The following LCLAT1 variants were observed in gnomAD, a reference collection of about 807,000 sequenced individuals.
The protein encoded by LCLAT1 is lysocardiolipin acyltransferase 1.
Under a neutral mutation model 30.7 loss-of-function variants are expected in LCLAT1, and 11 were observed. The ratio of observed to expected loss-of-function variants is 0.36; its 90% confidence interval spans 0.23 to 0.59. The LOEUF (loss-of-function observed/expected upper bound fraction) is 0.59. Ranked by LOEUF, LCLAT1 falls within the 20% of genes least tolerant of loss-of-function variation. The pLI, the probability that LCLAT1 is intolerant of heterozygous loss-of-function variation, is 0.77. For synonymous variants in LCLAT1, 155 were observed against 151.3 expected, an observed-to-expected ratio of 1.02 and a Z score of -0.18; for missense variants, 402 against 458.6, an observed-to-expected ratio of 0.88 and a Z score of 1.13.
At chr2:30,562,577 GTCAGGACTCAGAAC>G (rs1045947590) in intron 4 of LCLAT1, among the ~76,000 whole-genome samples, 2 of 152,114 alleles carry the variant, frequency 1.3e-5, no homozygotes, top group African/African-American at 4.8e-5. Flanking sequence ...TCAATAGCAT[GTCAGGACTCAGAAC>G]TCTTGGTTTC....
chr2:30,584,520 G>T (rs1666343941), intron 5 of LCLAT1, among the ~76,000 whole-genome samples: 1 of 152,144 alleles, frequency 6.6e-6, no homozygotes, highest in African/African-American at 2.4e-5. Flanking sequence ...TCACTGCTTT[G>T]TATGGTATAG....
At chr2:30,449,770 G>A (rs538121253) in intron 1 of LCLAT1, among the ~76,000 whole-genome samples, 43 of 152,294 alleles carry the variant, frequency 2.8e-4, no homozygotes, top group African/African-American at 1.0e-3. Flanking sequence ...AAAGTGTTGG[G>A]ATTACAGGTG....
rs1667004649 is a variant in LCLAT1, at chr2:30,597,989, G to A, written c.628+29813G>A. Among the ~76,000 whole-genome samples the A allele has an allele frequency of 2.0e-5, 3 of 152,176 alleles. No individual in the cohort carries two copies. In the South Asian group the frequency reaches 6.2e-4, roughly 32 times the overall value. On this transcript the variant is annotated intron_variant, in intron 5 of 5. Coordinates refer to ENST00000379509, the MANE Select transcript of LCLAT1 (RefSeq NM_001002257.3). Reference sequence around the variant, plus strand: ...ACCAGCCTTGCATCCCAGGGATGAAGCCAACTTGATCATGGTGTATAAGTT... The same window carrying A: ...ACCAGCCTTGCATCCCAGGGATGAAACCAACTTGATCATGGTGTATAAGTT...
chr2:30,627,832 T>C (rs1668586657), intron 5 of LCLAT1, among the ~76,000 whole-genome samples: 2 of 119,058 alleles, frequency 1.7e-5, no homozygotes, highest in African/African-American at 7.1e-5. Context: ...GAAAATAAAA[T>C]AGAAGTTAAC....
chr2:30,591,814 A>C (rs1666703614), intron 5 of LCLAT1, among the ~76,000 whole-genome samples: 2 of 152,202 alleles, frequency 1.3e-5, no homozygotes, highest in Non-Finnish European at 2.9e-5. Context: ...TATCTAGTCC[A>C]GAGCTGAATA....
intron 5 of LCLAT1, among the ~76,000 whole-genome samples, chr2:30,599,897 T>C (rs1667100137): frequency 6.6e-6 from 1 of 152,194 alleles, no homozygotes; most frequent in Non-Finnish European, 1.5e-5. Context: ...TGTCTTTTAA[T>C]TGGGGCATTT....
intron 1 of LCLAT1, among the ~76,000 whole-genome samples, chr2:30,477,473 C>T (rs1347128200): frequency 2.0e-5 from 3 of 152,102 alleles, no homozygotes; most frequent in African/African-American, 7.2e-5. Flanking sequence ...TTTCTGGATA[C>T]TTGTTTGGTG....
intron 3 of LCLAT1, among the ~76,000 whole-genome samples, chr2:30,559,819 G>A (rs1665107290): frequency 6.6e-6 from 1 of 152,174 alleles, no homozygotes; most frequent in African/African-American, 2.4e-5. Context: ...TTTTGCTGTT[G>A]TGAATAGGAA....
chr2:30,624,909 G>A (rs890105187), intron 5 of LCLAT1, among the ~76,000 whole-genome samples: 1 of 152,132 alleles, frequency 6.6e-6, no homozygotes, highest in African/African-American at 2.4e-5. Flanking sequence ...ATTATATCCA[G>A]TACTCTCTCA....
chr2:30,555,447 C>G (rs995930779), intron 3 of LCLAT1, among the ~76,000 whole-genome samples: 4 of 152,058 alleles, frequency 2.6e-5, no homozygotes, highest in African/African-American at 9.7e-5. Context: ...ATGTTTCTGT[C>G]AAGTTTAAGG....
intron 2 of LCLAT1, among the ~76,000 whole-genome samples, chr2:30,528,661 A>G (rs1685847383): frequency 6.6e-6 from 1 of 152,190 alleles, no homozygotes; most frequent in Non-Finnish European, 1.5e-5. Context: ...GCACCATCCT[A>G]TGAGATTTTC....
intron 3 of LCLAT1, among the ~76,000 whole-genome samples, chr2:30,537,116 T>TAATCC (rs1686284517): frequency 1.3e-5 from 2 of 151,472 alleles, no homozygotes; most frequent in South Asian, 4.2e-4. Flanking sequence ...GCGCGGTGGC[T>TAATCC]CACGCCTGTA....
At chr2:30,559,226 A>G (rs898565271) in intron 3 of LCLAT1, among the ~76,000 whole-genome samples, 1 of 152,342 alleles carries the variant, frequency 6.6e-6, no homozygotes, top group African/African-American at 2.4e-5. Flanking sequence ...GCATTTGAGT[A>G]TTTTAGAAAT....
chr2:30,464,662 T>C (rs1296210809), intron 1 of LCLAT1, among the ~76,000 whole-genome samples: 1 of 152,156 alleles, frequency 6.6e-6, no homozygotes, highest in Admixed American at 6.5e-5. Flanking sequence ...AAAACTTCTC[T>C]TGTATTCTTG....
chr2:30,574,490 T>C (rs984162229), intron 5 of LCLAT1, among the ~76,000 whole-genome samples: 3 of 152,194 alleles, frequency 2.0e-5, no homozygotes, highest in Admixed American at 6.5e-5. Context: ...ATGGGAAATA[T>C]AATGAACTTT....
intron 5 of LCLAT1, among the ~76,000 whole-genome samples, chr2:30,630,247 T>A (rs1668707097): frequency 6.6e-6 from 1 of 152,202 alleles, no homozygotes; most frequent in African/African-American, 2.4e-5. Flanking sequence ...CTTTTTTGCC[T>A]CATTTAATCT....
At chr2:30,545,075 C>G (rs1664336531) in intron 3 of LCLAT1, among the ~76,000 whole-genome samples, 1 of 151,976 alleles carries the variant, frequency 6.6e-6, no homozygotes, top group South Asian at 2.1e-4. Flanking sequence ...CTAATGGGAA[C>G]AGATTTTGGA....
intron 4 of LCLAT1, among the ~76,000 whole-genome samples, chr2:30,564,619 A>AT (rs57342697): frequency 1.3e-5 from 2 of 152,020 alleles, no homozygotes; most frequent in Non-Finnish European, 2.9e-5. Flanking sequence ...AGTTTTAAAC[A>AT]TTTTTTTAAC....
At chr2:30,601,959 T>C (rs573841913) in intron 5 of LCLAT1, among the ~76,000 whole-genome samples, 2 of 151,956 alleles carry the variant, frequency 1.3e-5, no homozygotes, top group African/African-American at 4.8e-5. Flanking sequence ...TAGTATAAAA[T>C]TGAGAACAAA....
Sources: allele counts gnomAD v4.1 joint callset (sites outside exome capture counted in the v4.1 genomes callset), GRCh38; gene constraint gnomAD v4.1.1; transcripts MANE v1.5; gene names NCBI Gene and HGNC (gene_info 2026-07-23, HGNC 2026-07-21).